Variants in UGGT2 observed in about 807,000 individuals in gnomAD.
UGGT2 encodes the protein UDP-glucose glycoprotein glucosyltransferase 2.
Under a neutral mutation model 192.1 loss-of-function variants are expected in UGGT2, and 180 were observed. That is an observed-to-expected ratio of 0.94 (90% CI 0.83 to 1.06). The LOEUF is 1.06. Among genes scored for constraint, UGGT2 ranks in the 50% least tolerant of loss-of-function variants. The probability of loss-of-function intolerance (pLI) is 0.00; values close to 1 mark genes in which losing one functional copy is unlikely to be tolerated. For synonymous variants in UGGT2, 580 were observed against 591.0 expected (o/e 0.98, Z 0.27); for missense variants, 1,849 against 1,795.7 (o/e 1.03, Z -0.54).
At chr13:96,004,568 T>G (rs2051910737) in intron 5 of UGGT2, among the ~76,000 whole-genome samples, 1 of 152,236 alleles carries the variant, frequency 6.6e-6, no homozygotes, top group Non-Finnish European at 1.5e-5. Context: ...GTGCACAATG[T>G]GCAGGTTAGT....
At chr13:95,926,514 A>G (rs190715095) in intron 19 of UGGT2, among the ~76,000 whole-genome samples, 3 of 152,286 alleles carry the variant, frequency 2.0e-5, no homozygotes, top group Admixed American at 2.0e-4. Context: ...AAAAACCACC[A>G]AATTCGAATT....
At chr13:95,808,060 G>A (rs141726882) in intron 38 of UGGT2, among the ~76,000 whole-genome samples, 5 of 152,198 alleles carry the variant, frequency 3.3e-5, no homozygotes, top group Non-Finnish European at 5.9e-5. Flanking sequence ...GACACCTCCA[G>A]TGTTGAACTC....
chr13:96,042,028 C>G (rs563242355), intron 1 of UGGT2, among the ~76,000 whole-genome samples: 28 of 152,280 alleles, frequency 1.8e-4, no homozygotes, highest in African/African-American at 6.7e-4. Context: ...ACAGCTGATG[C>G]TCTATTGAAA....
At chr13:95,935,513 G>C (rs1443836449) in intron 17 of UGGT2, among the ~76,000 whole-genome samples, 1 of 152,098 alleles carries the variant, frequency 6.6e-6, no homozygotes, top group Non-Finnish European at 1.5e-5. Flanking sequence ...TAGTTTGATG[G>C]GGTTCCCTTC....
At chr13:95,947,783 C>T (rs943449442) in intron 14 of UGGT2, among the ~76,000 whole-genome samples, 7 of 152,208 alleles carry the variant, frequency 4.6e-5, no homozygotes, top group Middle Eastern at 3.4e-3. Context: ...TCAGATTATT[C>T]TCTCAGAAAG....
intron 36 of UGGT2, among the ~76,000 whole-genome samples, chr13:95,852,207 T>C (rs914528447): frequency 2.0e-5 from 3 of 152,236 alleles, no homozygotes; most frequent in Admixed American, 6.5e-5. Flanking sequence ...GGAGCCTCTG[T>C]TAACTCTTTT....
intron 10 of UGGT2, among the ~76,000 whole-genome samples, 184 bp from the exon 11 acceptor site, chr13:95,972,855 C>T (rs1188097670): frequency 6.6e-6 from 1 of 152,198 alleles, no homozygotes; most frequent in Non-Finnish European, 1.5e-5. Context: ...AACAAATGGA[C>T]ATTGCAATGT....
chr13:95,899,087 A>C (rs1369124476), intron 22 of UGGT2, among the ~76,000 whole-genome samples: 1 of 152,130 alleles, frequency 6.6e-6, no homozygotes, highest in Non-Finnish European at 1.5e-5. Flanking sequence ...AGAGTTCAAG[A>C]CTGAAGGGAG....
rs547216827 is a variant in UGGT2 at position 95,904,380 on chromosome 13, G to C, written c.2296-1320C>G. On this transcript the variant is annotated intron_variant, in intron 20 of 38. Transcript: ENST00000376747. ...ACATATGTATACATGTGCCATGCTG[G>C]TGCACTGCACCCATTAACTCGTCAT... 1.9e-4 allele frequency among the ~76,000 whole-genome samples: 29 copies of C among 150,892 alleles called. No individual in the cohort carries two copies. The South Asian group carries it at 4.5e-3, about 23-fold the overall frequency.
intron 36 of UGGT2, among the ~76,000 whole-genome samples, chr13:95,838,991 C>T (rs1887585572): frequency 6.6e-6 from 1 of 152,068 alleles, no homozygotes; most frequent in Non-Finnish European, 1.5e-5. Flanking sequence ...GATGTATTCA[C>T]CCCTATATAG....
intron 12 of UGGT2, among the ~76,000 whole-genome samples, chr13:95,966,140 C>T (rs1344943460): frequency 5.9e-5 from 9 of 152,104 alleles, no homozygotes; most frequent in African/African-American, 2.2e-4. Flanking sequence ...ATATAATCAA[C>T]GTTAAGTGTC....
chr13:96,015,171 G>A (rs1251677005), intron 4 of UGGT2, among the ~76,000 whole-genome samples: 5 of 151,738 alleles, frequency 3.3e-5, no homozygotes, highest in Admixed American at 1.3e-4. Flanking sequence ...CCAGCTACTC[G>A]GGAGGCTGAG....
chr13:96,051,175 C>CT (rs1391001581), intron 1 of UGGT2, among the ~76,000 whole-genome samples: 1 of 152,164 alleles, frequency 6.6e-6, no homozygotes, highest in Non-Finnish European at 1.5e-5. Context: ...AGTTCATGTC[C>CT]TTTGTAGGGA....
intron 33 of UGGT2, chr13:95,856,682 G>C (rs1361193135): frequency 9.4e-6 from 4 of 423,306 alleles, no homozygotes; most frequent in Non-Finnish European, 1.8e-5. Context: ...TCTGGATCTT[G>C]GAACACCTAC....
At chr13:95,991,647 C>A (rs1175202692) in intron 7 of UGGT2, among the ~76,000 whole-genome samples, 1 of 152,078 alleles carries the variant, frequency 6.6e-6, no homozygotes, top group East Asian at 1.9e-4. Flanking sequence ...GCATTTCTTT[C>A]TAAAAGAAGT....
chr13:95,873,496 C>T (rs1891400930), intron 29 of UGGT2, among the ~76,000 whole-genome samples: 1 of 152,174 alleles, frequency 6.6e-6, no homozygotes, highest in Non-Finnish European at 1.5e-5. Context: ...CCCTTCCTGC[C>T]TAGCAAACTG....
At chr13:95,848,399 A>G (rs1317413574) in intron 36 of UGGT2, among the ~76,000 whole-genome samples, 1 of 152,162 alleles carries the variant, frequency 6.6e-6, no homozygotes, top group Non-Finnish European at 1.5e-5. Context: ...GTTTTCTCCT[A>G]TATTGTCTTC....
chr13:95,918,943 A>G (rs2048761409), intron 20 of UGGT2, among the ~76,000 whole-genome samples: 1 of 152,110 alleles, frequency 6.6e-6, no homozygotes, highest in Non-Finnish European at 1.5e-5. Context: ...TGTCAATACC[A>G]TTGATGAACA....
At chr13:95,857,337 G>C (rs1889714509) in intron 33 of UGGT2, among the ~76,000 whole-genome samples, 1 of 151,996 alleles carries the variant, frequency 6.6e-6, no homozygotes, top group South Asian at 2.1e-4. Context: ...GGATCTAAGG[G>C]TACATTAGTG....
Sources: allele counts gnomAD v4.1 joint callset (sites outside exome capture counted in the v4.1 genomes callset), GRCh38; gene constraint gnomAD v4.1.1; transcripts MANE v1.5; gene names NCBI Gene and HGNC (gene_info 2026-07-23, HGNC 2026-07-21).